Variants in EHMT1 observed in about 807,000 individuals in gnomAD.
EHMT1 encodes euchromatic histone lysine methyltransferase 1, also known as histone-lysine N-methyltransferase EHMT1.
EHMT1 carries 15 observed loss-of-function variants against 147.2 expected under a neutral mutation model. That is an observed-to-expected ratio of 0.10 (90% CI 0.07 to 0.16). The LOEUF (loss-of-function observed/expected upper bound fraction) is 0.16. EHMT1 is among the 10% of genes least tolerant of loss of function. EHMT1 has a pLI of 1.00. For missense variants in EHMT1, 1,587 were observed against 1,772.4 expected (o/e 0.90, Z 1.88); for synonymous variants, 795 against 709.6 (o/e 1.12, Z -1.91).
intron 16 of EHMT1, among the ~76,000 whole-genome samples, chr9:137,797,015 T>C (rs754612895): frequency 2.0e-5 from 3 of 152,140 alleles, no homozygotes; most frequent in Non-Finnish European, 2.9e-5. Context: ...ATCTTGAGAA[T>C]TTAAAAGGGT....
chr9:137,818,168 C>A (rs774549048), intron 25 of EHMT1, 30 bp downstream of exon 25: 16 of 1,610,416 alleles, frequency 9.9e-6, no homozygotes, highest in Non-Finnish European at 1.4e-5. Flanking sequence ...TGGGGCCACG[C>A]AGAACTTGTG....
intron 1 of EHMT1, among the ~76,000 whole-genome samples, chr9:137,653,435 A>G (rs985701576): frequency 9.9e-5 from 15 of 152,174 alleles, no homozygotes; most frequent in Admixed American, 2.0e-4. Flanking sequence ...TGAATTTCCC[A>G]GAAGGTATCC....
At chr9:137,818,289 C>A in intron 25 of EHMT1, 151 bp downstream of exon 25, 1 of 890,326 alleles carries the variant, frequency 1.1e-6, no homozygotes, top group South Asian at 1.4e-5. Flanking sequence ...GCATTTGGAG[C>A]TGGCCTTGGT....
chr9:137,666,661 G>C (rs950346031), intron 1 of EHMT1, among the ~76,000 whole-genome samples: 1 of 152,202 alleles, frequency 6.6e-6, no homozygotes, highest in Admixed American at 6.5e-5. Flanking sequence ...GGAGAGCTGG[G>C]AACAGAGCCT....
intron 1 of EHMT1, among the ~76,000 whole-genome samples, chr9:137,657,449 G>A (rs1938583666): frequency 6.6e-6 from 1 of 151,818 alleles, no homozygotes; most frequent in South Asian, 2.1e-4. Flanking sequence ...AGTGGAAGTC[G>A]GCCTCCCAGG....
intron 23 of EHMT1, chr9:137,817,007 A>C: frequency 8.9e-6 from 2 of 225,050 alleles, no homozygotes; most frequent in East Asian, 1.1e-4. Context: ...CTCGACCGCC[A>C]CCTCCCCTGC....
chr9:137,758,122 G>A (rs1160582330), intron 9 of EHMT1, 111 bp downstream of exon 9: 4 of 1,425,156 alleles, frequency 2.8e-6, no homozygotes, highest in East Asian at 4.6e-5. Flanking sequence ...AGAAGATCGG[G>A]TTAACTGCAT....
intron 3 of EHMT1, among the ~76,000 whole-genome samples, chr9:137,722,327 A>C (rs1946143297): frequency 6.6e-6 from 1 of 152,246 alleles, no homozygotes; most frequent in Non-Finnish European, 1.5e-5. Context: ...TTCTGGATTG[A>C]GTAATTAAAG....
rs1949923087 is a variant in EHMT1 at position 137,762,698 on chromosome 9, C to G, written c.1525C>G (p.Leu509Val). Residue 509 changes from leucine to valine, a missense_variant, in exon 10 of 27, where the codon CTG becomes GTG. By Grantham distance (32) the Leu-to-Val change is conservative. This residue lies in a region of EHMT1 where 810 missense variants were observed against 673.0 expected (regional missense o/e 1.20). Transcript: ENST00000460843. ...AEGLANGPDV[L>V]ETDGLQEVPL... ...AGGGTTGGCCAACGGTCCAGATGTG[C>G]TGGAGACAGACGGCCTCCAGGAAGT... The G allele has an allele frequency of 6.2e-7, 1 of 1,614,124 alleles. No individual in the cohort carries two copies. Among genetic ancestry groups the G allele is most frequent in the Admixed American group, 1.7e-5 (1 of 60,004 alleles).
rs536304558 is a variant in EHMT1, at chr9:137,816,100, T to TCGTATTAGCA, written c.3374+51_3374+60dup. Reference sequence around the variant, plus strand: ...TTCCTGCCGGAGCCCCACATTCTGCTCGTATTAGCACGTATTAGCACGGAG... The same window carrying TCGTATTAGCA: ...TTCCTGCCGGAGCCCCACATTCTGCTCGTATTAGCACGTATTAGCACGTATTAGCACGGAG... On this transcript the variant is annotated intron_variant, in intron 23 of 26. Transcript: ENST00000460843. 11 of 1,569,192 alleles carry TCGTATTAGCA rather than the reference T, an allele frequency of 7.0e-6. No individual in the cohort carries two copies. In the African/African-American group the frequency reaches 1.2e-4, roughly 17 times the overall value.
intron 1 of EHMT1, among the ~76,000 whole-genome samples, chr9:137,692,657 A>AT (rs1191999367): frequency 6.6e-6 from 1 of 152,112 alleles, no homozygotes; most frequent in Non-Finnish European, 1.5e-5. Context: ...TTAGACGTTG[A>AT]TATCTTCCAT....
At chr9:137,760,752 G>A (rs1039141747) in intron 9 of EHMT1, among the ~76,000 whole-genome samples, 1 of 152,224 alleles carries the variant, frequency 6.6e-6, no homozygotes, top group Non-Finnish European at 1.5e-5. Flanking sequence ...GCTCAGGCCT[G>A]TAATCCCAGC....
intron 1 of EHMT1, among the ~76,000 whole-genome samples, chr9:137,696,627 C>T (rs1024617342): frequency 2.6e-5 from 4 of 152,096 alleles, no homozygotes; most frequent in Admixed American, 6.5e-5. Flanking sequence ...CTAATAGTCT[C>T]CCCCAGGTTG....
Position 137,787,618 on chromosome 9 carries a change from A to T in EHMT1, c.2383-3230A>T. On this transcript the variant is annotated intron_variant, in intron 15 of 26. Transcript: ENST00000460843. The surrounding 1 kb of genome is among the most constrained non-coding windows in gnomAD (Gnocchi z 4.2). ...CGCCTCGCCTTGGCTCCCTGGCAAC[A>T]AGCTGGGGGTGGAAGCGGGAGGGAG... 1.9e-6 allele frequency: 1 copy of T among 519,060 alleles called. No homozygotes were observed. The highest frequency in any genetic ancestry group is 2.2e-5 in the South Asian group (1 of 44,806). 32.2% of individuals were successfully genotyped at this position (519,060 alleles called of 1,614,324 possible). A position where few individuals can be genotyped will look rare whatever the true frequency, so the allele number is the denominator to read the frequency against.
chr9:137,739,946 A>G (rs1267255313), intron 4 of EHMT1, among the ~76,000 whole-genome samples: 1 of 152,170 alleles, frequency 6.6e-6, no homozygotes, highest in Admixed American at 6.5e-5. Flanking sequence ...AGGCCTGGAC[A>G]TAGAGCTGGG....
At chr9:137,756,615 T>C (rs999678309) in intron 8 of EHMT1, among the ~76,000 whole-genome samples, 1 of 152,186 alleles carries the variant, frequency 6.6e-6, no homozygotes, top group Non-Finnish European at 1.5e-5. Context: ...TTCACCTCAG[T>C]TTATTGATTC....
At chr9:137,779,396 G>T (rs962264801) in intron 13 of EHMT1, among the ~76,000 whole-genome samples, 4 of 152,268 alleles carry the variant, frequency 2.6e-5, no homozygotes, top group African/African-American at 4.8e-5. Context: ...GACTGGGAAC[G>T]CAGTTTCTTG....
chr9:137,795,571 C>A (rs1235156461), intron 16 of EHMT1, among the ~76,000 whole-genome samples: 1 of 152,174 alleles, frequency 6.6e-6, no homozygotes, highest in Non-Finnish European at 1.5e-5. Context: ...CGCACACAGA[C>A]ACGGGAGGAC....
In EHMT1 at chr9:137,776,719, G is replaced by A; in HGVS notation, c.1893G>A (p.Gly631=). The change falls in exon 12 of 27, where the codon GGG becomes GGA. Residue 631 remains glycine, a synonymous_variant. Transcript: ENST00000460843. This position sits in a 1 kb window ranked among gnomAD's most constrained non-coding sequence, Gnocchi z 4.4. ...VNNASYCPHC[G]EESSKAKEVT... The stretch of plus-strand genomic sequence containing the variant: ...ACGCCAGCTATTGTCCCCACTGTGG[G>A]GAGGAGAGCTCCAAGGCCAAAGAGG... 6.2e-7 allele frequency: 1 copy of A among 1,614,080 alleles called. No individual in the cohort carries two copies. The highest frequency in any genetic ancestry group is 8.5e-7 in the Non-Finnish European group (1 of 1,180,022).
Sources: gnomAD v4.1 joint callset for allele counts (sites outside exome capture counted in the v4.1 genomes callset) on GRCh38, gnomAD v4.1.1 for gene constraint, gnomAD v4.1.1 regional missense constraint, Gnocchi (gnomAD v3.1) non-coding constraint, MANE v1.5 for transcripts, NCBI Gene and HGNC (gene_info 2026-07-23, HGNC 2026-07-21) for gene names.